Variants in PDZRN4 observed in about 807,000 individuals in gnomAD.
The protein encoded by PDZRN4 is PDZ domain containing ring finger 4, also known as PDZ domain-containing RING finger protein 4.
A neutral mutation model predicts 99.0 loss-of-function variants in PDZRN4; 70 were observed. That is an observed-to-expected ratio of 0.71 (90% CI 0.58 to 0.86). The LOEUF is 0.86. Among genes scored for constraint, PDZRN4 ranks in the 40% least tolerant of loss-of-function variants. The pLI is 0.00. For synonymous variants in PDZRN4, 551 were observed against 501.6 expected (o/e 1.10, Z -1.32); for missense variants, 1,474 against 1,331.2 (o/e 1.11, Z -1.67).
intron 3 of PDZRN4, among the ~76,000 whole-genome samples, chr12:41,497,137 C>G (rs2730815): frequency 1.3e-5 from 2 of 152,010 alleles, no homozygotes; most frequent in South Asian, 4.1e-4. Flanking sequence ...GTGCTCTCAT[C>G]ACAAAGATGG....
intron 3 of PDZRN4, among the ~76,000 whole-genome samples, chr12:41,229,644 A>G (rs1295966748): frequency 6.6e-6 from 1 of 152,098 alleles, no homozygotes; most frequent in African/African-American, 2.4e-5. Context: ...AAAGAACTCC[A>G]TGACCTCTGG....
intron 4 of PDZRN4, 64 bp downstream of exon 4, chr12:41,506,776 G>C (rs1394131166): frequency 2.0e-6 from 3 of 1,527,438 alleles, no homozygotes; most frequent in Non-Finnish European, 2.6e-6. Flanking sequence ...AGCAGATGTT[G>C]AAAAGAAGCA....
rs1028762705 is a variant in PDZRN4, at chr12:41,188,866, C to T, written c.411C>T (p.Pro137=). The T allele has an allele frequency of 3.4e-6, 4 of 1,186,200 alleles. No individual in the cohort carries two copies. The highest frequency in any genetic ancestry group is 4.2e-6 in the Non-Finnish European group (4 of 959,200). 73.5% of individuals were successfully genotyped at this position (1,186,200 alleles called of 1,614,324 possible). A position where few individuals can be genotyped will look rare whatever the true frequency, so the allele number is the denominator to read the frequency against. ...VPARGGCGPT[P]RAGRGGGARG... is the part of the protein sequence containing the mutation. ...CGCGGGGGGGCTGCGGTCCGACACC[C>T]AGGGCTGGCCGGGGCGGGGGCGCGC... is the stretch of plus-strand genomic sequence containing the variant. Residue 137 remains proline (P), a synonymous_variant, in exon 1 of 10, where the codon CCC becomes CCT. Coordinates refer to ENST00000402685, the MANE Select transcript of PDZRN4 (RefSeq NM_001164595.2).
At chr12:41,299,317 T>A (rs1951517395) in intron 3 of PDZRN4, among the ~76,000 whole-genome samples, 3 of 151,976 alleles carry the variant, frequency 2.0e-5, no homozygotes, top group African/African-American at 7.2e-5. Context: ...TAAGCCTTGG[T>A]CTGGACACTC....
intron 3 of PDZRN4, among the ~76,000 whole-genome samples, chr12:41,209,190 G>T (rs938485425): frequency 7.2e-5 from 11 of 151,996 alleles, no homozygotes; most frequent in Admixed American, 2.0e-4. Flanking sequence ...GGTTTATTTT[G>T]AATGGAAATG....
chr12:41,271,018 G>C (rs1226100258), intron 3 of PDZRN4, among the ~76,000 whole-genome samples: 1 of 151,896 alleles, frequency 6.6e-6, no homozygotes, highest in Non-Finnish European at 1.5e-5. Flanking sequence ...AGTCTTCGTA[G>C]CATCACATAT....
At chr12:41,325,798 G>A (rs1300629125) in intron 3 of PDZRN4, among the ~76,000 whole-genome samples, 1 of 152,048 alleles carries the variant, frequency 6.6e-6, no homozygotes, top group African/African-American at 2.4e-5. Context: ...TTCCCAACAT[G>A]GAACATACAC....
intron 3 of PDZRN4, among the ~76,000 whole-genome samples, chr12:41,431,605 T>C (rs1592057137): frequency 1.3e-5 from 2 of 152,238 alleles, no homozygotes; most frequent in East Asian, 3.8e-4. Flanking sequence ...CAGGTGACAG[T>C]GACAAGGCTC....
chr12:41,569,117 CATT>C lies in PDZRN4; in HGVS notation c.1584+1234_1584+1236del, dbSNP rs142276282. ...GTGCCCTGTCTATTCTTATTATTATCATTATTATTATTATTATTTTAAGATAGA... is the reference window on the plus strand; with the variant it reads ...GTGCCCTGTCTATTCTTATTATTATCATTATTATTATTATTTTAAGATAGA... On this transcript the variant is annotated intron_variant, in intron 9 of 9. Transcript: ENST00000402685. 4.8e-5 allele frequency among the ~76,000 whole-genome samples: 7 copies of C among 146,438 alleles called. 1 individual carries two copies. The highest frequency in any genetic ancestry group is 2.0e-4 in the East Asian group (1 of 4,896).
At chr12:41,440,594 G>A (rs1952670605) in intron 3 of PDZRN4, among the ~76,000 whole-genome samples, 1 of 152,110 alleles carries the variant, frequency 6.6e-6, no homozygotes, top group South Asian at 2.1e-4. Context: ...GAGGAGCTAA[G>A]ACTTTCAATT....
At chr12:41,475,626 C>T (rs1953035023) in intron 3 of PDZRN4, among the ~76,000 whole-genome samples, 1 of 152,070 alleles carries the variant, frequency 6.6e-6, no homozygotes, top group South Asian at 2.1e-4. Flanking sequence ...GTATTTTGGC[C>T]CTGTGTTCTC....
intron 3 of PDZRN4, among the ~76,000 whole-genome samples, chr12:41,200,508 G>C (rs1950807830): frequency 6.6e-6 from 1 of 152,104 alleles, no homozygotes; most frequent in Non-Finnish European, 1.5e-5. Flanking sequence ...TGACTTGTGA[G>C]TGCTAAACTC....
chr12:41,403,591 G>T (rs1474330376), intron 3 of PDZRN4, among the ~76,000 whole-genome samples: 1 of 152,074 alleles, frequency 6.6e-6, no homozygotes, highest in Non-Finnish European at 1.5e-5. Flanking sequence ...TACGCAGTTG[G>T]TTCTTGTGGG....
chr12:41,283,133 GAAAAGAGAGAAGAATCAAATAGACACAAT>G (rs1951400313), intron 3 of PDZRN4, among the ~76,000 whole-genome samples: 1 of 151,560 alleles, frequency 6.6e-6, no homozygotes, highest in African/African-American at 2.4e-5. Context: ...TAATTAAGAA[GAAAAGAGAGAAGAATCAAATAGACACAAT>G]AAAAAATGAT....
intron 3 of PDZRN4, among the ~76,000 whole-genome samples, chr12:41,232,001 A>G (rs2120757007): frequency 6.6e-6 from 1 of 152,144 alleles, no homozygotes; most frequent in Non-Finnish European, 1.5e-5. Context: ...TTATTTGAAG[A>G]TTTACTTACA....
At chr12:41,395,924 A>C (rs1363862851) in intron 3 of PDZRN4, among the ~76,000 whole-genome samples, 1 of 152,044 alleles carries the variant, frequency 6.6e-6, no homozygotes, top group African/African-American at 2.4e-5. Flanking sequence ...GTAGTACCCT[A>C]TGTTTAATAT....
At chr12:41,325,288 T>C (rs984245296) in intron 3 of PDZRN4, among the ~76,000 whole-genome samples, 13 of 152,218 alleles carry the variant, frequency 8.5e-5, no homozygotes, top group Non-Finnish European at 1.9e-4. Context: ...GAAATTAACA[T>C]TTCTATGAAA....
chr12:41,526,189 A>C (rs1449448312), intron 5 of PDZRN4, among the ~76,000 whole-genome samples: 1 of 152,156 alleles, frequency 6.6e-6, no homozygotes, highest in East Asian at 1.9e-4. Flanking sequence ...CTGTATCTAA[A>C]TGTGGGGCTA....
At chr12:41,271,442 C>G (rs1282328134) in intron 3 of PDZRN4, among the ~76,000 whole-genome samples, 2 of 152,062 alleles carry the variant, frequency 1.3e-5, no homozygotes, top group African/African-American at 4.8e-5. Context: ...TTTGAAAAGT[C>G]GTTCTTCCCT....
Sources: allele counts gnomAD v4.1 joint callset (sites outside exome capture counted in the v4.1 genomes callset), GRCh38; gene constraint gnomAD v4.1.1; transcripts MANE v1.5; gene names NCBI Gene and HGNC (gene_info 2026-07-23, HGNC 2026-07-21).